The following ITGA4 variants were observed in gnomAD, a reference collection of about 807,000 sequenced individuals.
The protein encoded by ITGA4 is integrin alpha-4.
ITGA4 carries 63 observed loss-of-function variants against 133.6 expected under a neutral mutation model. The observed-to-expected ratio is 0.47, with a 90% CI of 0.38 to 0.58. The LOEUF is 0.58. Among genes scored for constraint, ITGA4 ranks in the 20% least tolerant of loss-of-function variants. ITGA4 has a pLI of 0.00. For missense variants in ITGA4, 1,076 were observed against 1,252.7 expected (o/e 0.86, Z 2.13); for synonymous variants, 483 against 438.0 (o/e 1.10, Z -1.28).
At chr2:181,475,911 A>T in intron 4 of ITGA4, 1 of 1,536,706 alleles carries the variant, frequency 6.5e-7, no homozygotes, top group Non-Finnish European at 8.8e-7. Context: ...ATCTGCAGCA[A>T]AACTAAAATC....
chr2:181,459,951 A>G (rs1372994486), intron 2 of ITGA4, among the ~76,000 whole-genome samples: 1 of 152,102 alleles, frequency 6.6e-6, no homozygotes, highest in Non-Finnish European at 1.5e-5. Flanking sequence ...TAAATTTAAG[A>G]TAATGCCTGT....
At chr2:181,525,171 A>G in intron 20 of ITGA4, 31 bp from the exon 21 acceptor site, 1 of 1,262,506 alleles carries the variant, frequency 7.9e-7, no homozygotes, top group Non-Finnish European at 1.2e-6. Flanking sequence ...CTGCTTGGTG[A>G]ATTCTAACAG....
At chr2:181,535,209 G>A (rs957121152) in intron 27 of ITGA4, among the ~76,000 whole-genome samples, 2 of 152,100 alleles carry the variant, frequency 1.3e-5, no homozygotes, top group African/African-American at 4.8e-5. Flanking sequence ...AGAATGTGGT[G>A]TGTATCACTG....
intron 9 of ITGA4, among the ~76,000 whole-genome samples, chr2:181,484,391 C>T (rs114484618): frequency 1.9e-4 from 29 of 152,258 alleles, no homozygotes; most frequent in Non-Finnish European, 2.6e-4. Context: ...TCACCTCTTC[C>T]TATTGAAACT....
chr2:181,496,495 A>G (rs1222937839), intron 14 of ITGA4, among the ~76,000 whole-genome samples: 1 of 152,160 alleles, frequency 6.6e-6, no homozygotes, highest in Non-Finnish European at 1.5e-5. Flanking sequence ...GATTTCTATA[A>G]ATAATATGCT....
intron 2 of ITGA4, among the ~76,000 whole-genome samples, chr2:181,467,411 TA>T (rs1473768629): frequency 6.6e-6 from 1 of 152,158 alleles, no homozygotes. Context: ...CGCAGGTAGA[TA>T]AAGCAGGCAT....
At chr2:181,471,454 TAATC>T (rs1685549054) in intron 2 of ITGA4, among the ~76,000 whole-genome samples, 1 of 152,346 alleles carries the variant, frequency 6.6e-6, no homozygotes, top group African/African-American at 2.4e-5. Context: ...TACAAGATAT[TAATC>T]AATTTCACCA....
chr2:181,512,294 C>T (rs1001851368), intron 17 of ITGA4, among the ~76,000 whole-genome samples: 4 of 151,960 alleles, frequency 2.6e-5, no homozygotes, highest in East Asian at 3.9e-4. Context: ...GCATCAGTGA[C>T]AGGGCAGGGA....
Position 181,458,634 on chromosome 2 carries a change from A to G in ITGA4, c.319+317A>G, listed in dbSNP as rs185399505. ...AGCACATTTTAGACTCTCTCAGCGT[A>G]TTAAGGACAGGATCCAGCTAAGCCA... On this transcript the variant is annotated intron_variant, in intron 2 of 27. Transcript: ENST00000397033. 21 of 320,822 alleles carry G rather than the reference A, an allele frequency of 6.5e-5. No homozygotes were observed. In the East Asian group the frequency reaches 1.3e-3, roughly 20 times the overall value. 19.9% of individuals were successfully genotyped at this position (320,822 alleles called of 1,614,324 possible).
At chr2:181,470,818 T>G (rs1467784932) in intron 2 of ITGA4, among the ~76,000 whole-genome samples, 1 of 152,134 alleles carries the variant, frequency 6.6e-6, no homozygotes, top group Non-Finnish European at 1.5e-5. Flanking sequence ...GAGGCTGCAG[T>G]GAGCTATGAT....
chr2:181,469,544 G>C (rs779074450), intron 2 of ITGA4, among the ~76,000 whole-genome samples: 7 of 152,178 alleles, frequency 4.6e-5, no homozygotes, highest in Non-Finnish European at 7.3e-5. Flanking sequence ...AATACCATTT[G>C]ACCCAGCCAT....
At chr2:181,489,202 AT>A (rs1250746471) in intron 10 of ITGA4, among the ~76,000 whole-genome samples, 1 of 152,192 alleles carries the variant, frequency 6.6e-6, no homozygotes, top group Non-Finnish European at 1.5e-5. Context: ...TATTATGCAA[AT>A]TTTTGTGGTA....
rs1221353882 is a variant in ITGA4 at position 181,494,786 on chromosome 2, T to C, written c.1313T>C (p.Ile438Thr). 5 of 1,580,994 alleles carry C rather than the reference T, an allele frequency of 3.2e-6. No individual in the cohort carries two copies. Among genetic ancestry groups the C allele is most frequent in the Non-Finnish European group, 4.3e-6 (5 of 1,150,074 alleles). The change falls in exon 12 of 28, where the codon ATT becomes ACT. Residue 438 changes from isoleucine (I) to threonine (T), a missense_variant. Coordinates refer to ENST00000397033, the MANE Select transcript of ITGA4 (RefSeq NM_000885.6). The part of the protein sequence containing the change: ...SMFGQSISGQ[I>T]DADNNGYVDV... ...TTTGGACAGTCTATATCAGGACAAA[T>C]TGATGCAGATAATAATGGCTATGTA...
intron 16 of ITGA4, among the ~76,000 whole-genome samples, chr2:181,510,422 A>C (rs1559051793): frequency 6.6e-6 from 1 of 152,088 alleles, no homozygotes; most frequent in Non-Finnish European, 1.5e-5. Context: ...CAGTGTATTT[A>C]TTCTCAGGAG....
Position 181,485,984 on chromosome 2 carries a change from G to A in ITGA4, c.1145G>A (p.Gly382Asp). ...IVNLGDIDNDGFEDVAIGAPQ... is the reference protein window; with the variant it reads ...IVNLGDIDNDDFEDVAIGAPQ... ...AATCTTGGCGACATTGACAATGATG[G>A]CTTTGAAGGTAATTAAAATTATCAA... is the stretch of plus-strand genomic sequence containing the variant. Residue 382 changes from glycine to aspartate, a missense_variant, in exon 10 of 28, where the codon GGC becomes GAC. Physicochemically the swap from Gly to Asp is moderately conservative, Grantham distance 94. Around this residue, in one of 4 missense-constraint regions of ITGA4, gnomAD observed 436 missense variants for 590.7 expected, o/e 0.74. Transcript: ENST00000397033. The A allele has an allele frequency of 6.3e-7, 1 of 1,581,684 alleles. No individual in the cohort carries two copies.
Position 181,498,654 on chromosome 2 carries a change from C to T in ITGA4, c.1572C>T (p.Asn524=), listed in dbSNP as rs1686206071. The T allele has an allele frequency of 1.2e-6, 2 of 1,610,012 alleles. No individual in the cohort carries two copies. The highest frequency in any genetic ancestry group is 1.7e-6 in the Non-Finnish European group (2 of 1,177,572). ...VLFYNMSLDV[N]RKAESPPRFY... ...TTTATAACATGAGTTTGGATGTGAA[C>T]AGAAAGGCAGAGTCTCCACCAAGAT... Residue 524 remains asparagine (N), a synonymous_variant, in exon 15 of 28, where the codon AAC becomes AAT. Coordinates refer to ENST00000397033, the MANE Select transcript of ITGA4 (RefSeq NM_000885.6).
At chr2:181,534,418 T>G (rs1259686048) in intron 26 of ITGA4, 48 bp downstream of exon 26, 4 of 1,104,624 alleles carry the variant, frequency 3.6e-6, no homozygotes, top group Admixed American at 3.5e-5. Context: ...GGAAAACACA[T>G]TTCAAGGGTG....
At chr2:181,494,620 G>A (rs1686122932) in intron 11 of ITGA4, 102 bp from the exon 12 acceptor site, 2 of 721,568 alleles carry the variant, frequency 2.8e-6, no homozygotes, top group East Asian at 2.5e-5. Context: ...TAGTAGATGT[G>A]CCAAGGCATG....
intron 16 of ITGA4, 78 bp from the exon 17 acceptor site, chr2:181,511,621 G>C (rs1686506796): frequency 1.4e-6 from 1 of 723,614 alleles, no homozygotes; most frequent in South Asian, 1.7e-5. Flanking sequence ...TGCATCACAG[G>C]TGTCGTCATC....
Sources: allele counts gnomAD v4.1 joint callset (sites outside exome capture counted in the v4.1 genomes callset), GRCh38; gene constraint gnomAD v4.1.1; regional missense constraint gnomAD v4.1.1; transcripts MANE v1.5; gene names NCBI Gene and HGNC (gene_info 2026-07-23, HGNC 2026-07-21).